Variants in PTPRD observed in about 807,000 individuals in gnomAD.
PTPRD encodes protein tyrosine phosphatase receptor type D.
A neutral mutation model predicts 214.5 loss-of-function variants in PTPRD; 34 were observed. The ratio of observed to expected loss-of-function variants is 0.16; its 90% CI spans 0.12 to 0.21. PTPRD has a LOEUF of 0.21. Ranked by LOEUF, PTPRD falls within the 10% of genes least tolerant of loss-of-function variation. The pLI is 1.00. For synonymous variants in PTPRD, 1,128 were observed against 845.7 expected (o/e 1.33, Z -5.79); for missense variants, 2,545 against 2,398.7 (o/e 1.06, Z -1.27).
At chr9:8,849,674 A>G (rs144307353) in intron 11 of PTPRD, among the ~76,000 whole-genome samples, 16 of 152,310 alleles carry the variant, frequency 1.1e-4, no homozygotes, top group Non-Finnish European at 1.6e-4. Flanking sequence ...TGGTAGAACT[A>G]AAGAGGTGCC....
At chr9:9,410,318 C>T (rs1037412288) in intron 8 of PTPRD, among the ~76,000 whole-genome samples, 1 of 152,170 alleles carries the variant, frequency 6.6e-6, no homozygotes, top group Non-Finnish European at 1.5e-5. Flanking sequence ...GTGATTTGAA[C>T]TCAGAAATCA....
intron 2 of PTPRD, among the ~76,000 whole-genome samples, chr9:10,372,667 A>C (rs894283042): frequency 6.6e-6 from 1 of 151,964 alleles, no homozygotes; most frequent in African/African-American, 2.4e-5. Flanking sequence ...TGGTGAGTAC[A>C]TAGTGAGTAT....
intron 44 of PTPRD, among the ~76,000 whole-genome samples, chr9:8,326,037 T>C (rs1028911553): frequency 3.6e-4 from 55 of 152,310 alleles, no homozygotes; most frequent in Non-Finnish European, 5.9e-4. Context: ...TGACTTCCAC[T>C]TTTTCTAATT....
intron 4 of PTPRD, among the ~76,000 whole-genome samples, chr9:9,973,443 C>T (rs764319435): frequency 2.0e-5 from 3 of 151,892 alleles, no homozygotes; most frequent in Non-Finnish European, 2.9e-5. Context: ...TTGCCTTGCA[C>T]CCTGGGTGAC....
chr9:9,852,348 T>C (rs1329235603), intron 5 of PTPRD, among the ~76,000 whole-genome samples: 1 of 152,052 alleles, frequency 6.6e-6, no homozygotes, highest in African/African-American at 2.4e-5. Context: ...TTGTTAGCTA[T>C]TATTCCCATC....
At chr9:9,356,901 C>T (rs1596313116) in intron 9 of PTPRD, among the ~76,000 whole-genome samples, 1 of 151,372 alleles carries the variant, frequency 6.6e-6, no homozygotes, top group East Asian at 2.0e-4. Context: ...AACTTGCTAC[C>T]AGTGAGGCAG....
At chr9:9,746,650 T>A (rs963743744) in intron 6 of PTPRD, among the ~76,000 whole-genome samples, 2 of 152,062 alleles carry the variant, frequency 1.3e-5, no homozygotes, top group African/African-American at 4.8e-5. Flanking sequence ...AGAAGTTGGA[T>A]GAGAAGTGAA....
chr9:10,434,493 A>G lies in PTPRD; in HGVS notation c.-599-93476T>C, dbSNP rs571723371. Among the ~76,000 whole-genome samples, 93 of 151,992 alleles carry G rather than the reference A, an allele frequency of 6.1e-4. 1 individual carries two copies. Among genetic ancestry groups the G allele is most frequent in the Non-Finnish European group, 1.1e-3 (74 of 67,920 alleles). On this transcript the variant is annotated intron_variant, in intron 2 of 45. Transcript: ENST00000381196. The stretch of plus-strand genomic sequence containing the variant: ...ATCTTATATTTATTCTAGCAACCTA[A>G]ATATTCAAGAGTTTAAGAAAGGAGT...
chr9:9,475,464 A>T (rs1335607438), intron 8 of PTPRD, among the ~76,000 whole-genome samples: 1 of 152,244 alleles, frequency 6.6e-6, no homozygotes, highest in Non-Finnish European at 1.5e-5. Flanking sequence ...AACCTAAAAA[A>T]GATGAAGCAA....
At chr9:10,316,131 A>T (rs1260679330) in intron 3 of PTPRD, among the ~76,000 whole-genome samples, 1 of 147,648 alleles carries the variant, frequency 6.8e-6, no homozygotes, top group Non-Finnish European at 1.5e-5. Flanking sequence ...ATATATATAC[A>T]TATATACACA....
intron 7 of PTPRD, among the ~76,000 whole-genome samples, chr9:9,719,210 C>T (rs1343773370): frequency 6.6e-6 from 1 of 152,104 alleles, no homozygotes; most frequent in African/African-American, 2.4e-5. Context: ...TAGGAGCTAC[C>T]CACTTCAGGT....
In PTPRD at chr9:10,076,031, T is replaced by C. The variant is rs2098127028; in HGVS notation, c.-544-42241A>G. The stretch of plus-strand genomic sequence containing the variant: ...ATCTATTTTGAGTTCCTGACAAAGG[T>C]TATTAAATTCTGGCCTCAGTACCTC... On this transcript the variant is annotated intron_variant, in intron 3 of 45. Transcript: ENST00000381196. Among the ~76,000 whole-genome samples, 2 of 152,110 alleles carry C rather than the reference T, an allele frequency of 1.3e-5. 1 individual carries two copies. The highest frequency in any genetic ancestry group is 2.9e-5 in the Non-Finnish European group (2 of 68,014).
At chr9:10,167,206 G>A (rs544711844) in intron 3 of PTPRD, among the ~76,000 whole-genome samples, 2 of 151,244 alleles carry the variant, frequency 1.3e-5, no homozygotes, top group South Asian at 4.2e-4. Context: ...AGAGAATTAA[G>A]AAATAATCTT....
At chr9:9,307,339 A>G (rs1379653573) in intron 9 of PTPRD, among the ~76,000 whole-genome samples, 1 of 152,188 alleles carries the variant, frequency 6.6e-6, no homozygotes, top group Non-Finnish European at 1.5e-5. Context: ...TTTCAAGCTT[A>G]GAAAGTGAAG....
At chr9:9,595,245 C>G (rs1474897330) in intron 7 of PTPRD, among the ~76,000 whole-genome samples, 1 of 140,850 alleles carries the variant, frequency 7.1e-6, no homozygotes, top group Non-Finnish European at 1.5e-5. Context: ...GGGTATCTAC[C>G]CAGAGGGAAA....
chr9:10,033,793 G>A lies in PTPRD; in HGVS notation c.-544-3C>T, dbSNP rs1215554138. The A allele has an allele frequency of 1.3e-5, 2 of 152,026 alleles. No individual in the cohort carries two copies. The highest frequency in any genetic ancestry group is 3.9e-4 in the East Asian group (2 of 5,182). 9.4% of individuals were successfully genotyped at this position (152,026 alleles called of 1,614,324 possible). A position where few individuals can be genotyped will look rare whatever the true frequency, so the allele number is the denominator to read the frequency against. Reference sequence around the variant, plus strand: ...GTATCAGACTCCTCAAGATTTCCCTGAAAGGAAAAGTGAGAGATCGCTTTA... The same window carrying A: ...GTATCAGACTCCTCAAGATTTCCCTAAAAGGAAAAGTGAGAGATCGCTTTA... On this transcript the variant is annotated splice_region_variant and splice_polypyrimidine_tract_variant and intron_variant, in intron 3 of 45. Coordinates refer to ENST00000381196, the MANE Select transcript of PTPRD (RefSeq NM_002839.4).
intron 9 of PTPRD, among the ~76,000 whole-genome samples, chr9:9,326,132 C>A (rs186288336): frequency 6.6e-6 from 1 of 151,984 alleles, no homozygotes; most frequent in East Asian, 1.9e-4. Flanking sequence ...TCTGATATAA[C>A]TATGAGGGTT....
At position 8,605,775 on chromosome 9, in the gene PTPRD, C is replaced by A. The variant is rs192092607; in HGVS notation, c.352+27542G>T. ...GTGCTTCAACAGACTTACACCACTT[C>A]CAGGCCTTTCTGCTCATCTCTATGG... is the stretch of plus-strand genomic sequence containing the variant. On this transcript the variant is annotated intron_variant, in intron 14 of 45. Transcript: ENST00000381196. Among the ~76,000 whole-genome samples, 151 of 152,302 alleles carry A rather than the reference C, an allele frequency of 9.9e-4. 4 individuals carry two copies. The East Asian group carries it at 0.022, about 22-fold the overall frequency.
intron 35 of PTPRD, among the ~76,000 whole-genome samples, chr9:8,420,061 G>A (rs564974732): frequency 1.3e-5 from 2 of 152,150 alleles, no homozygotes; most frequent in South Asian, 2.1e-4. Context: ...TGTAACAAAC[G>A]TAGACAAAAA....
Sources: allele counts gnomAD v4.1 joint callset (sites outside exome capture counted in the v4.1 genomes callset), GRCh38; gene constraint gnomAD v4.1.1; transcripts MANE v1.5; gene names NCBI Gene and HGNC (gene_info 2026-07-23, HGNC 2026-07-21).